HCRTR2: variants seen among roughly 807,000 people sequenced by gnomAD.
The protein encoded by HCRTR2 is hypocretin receptor 2.
In HCRTR2, 22 loss-of-function variants were observed where a neutral mutation model predicts 49.0. The observed-to-expected ratio is 0.45, with a 90% confidence interval of 0.32 to 0.64. HCRTR2 has a LOEUF of 0.64. Ranked by LOEUF, HCRTR2 falls within the 30% of genes least tolerant of loss-of-function variation. The probability of loss-of-function intolerance (pLI) is 0.04; values close to 1 mark genes in which losing one functional copy is unlikely to be tolerated. For synonymous variants in HCRTR2, 236 were observed against 205.3 expected (o/e 1.15, Z -1.28); for missense variants, 491 against 559.4 (o/e 0.88, Z 1.23).
intron 1 of HCRTR2, among the ~76,000 whole-genome samples, chr6:55,199,341 T>C (rs1765470403): frequency 6.6e-6 from 1 of 152,028 alleles, no homozygotes; most frequent in Non-Finnish European, 1.5e-5. Flanking sequence ...GGAGAGTACT[T>C]AAAAAGATTT....
Position 55,222,280 on chromosome 6 carries a change from A to G in HCRTR2, c.224-26359A>G, listed in dbSNP as rs1249372786. 2.7e-5 allele frequency among the ~76,000 whole-genome samples: 4 copies of G among 150,438 alleles called. No individual in the cohort carries two copies. The South Asian group carries it at 6.3e-4, about 24-fold the overall frequency. ...TCATCTTACACCTGGTAGGATGACC[A>G]TTATGAAACAAAAGAAAGAGAATTA... On this transcript the variant is annotated intron_variant, in intron 1 of 6. Coordinates refer to ENST00000370862, the MANE Select transcript of HCRTR2 (RefSeq NM_001384272.1).
intron 1 of HCRTR2, among the ~76,000 whole-genome samples, chr6:55,168,726 T>C (rs1764909744): frequency 6.8e-6 from 1 of 146,632 alleles, no homozygotes. Context: ...CCACCATGCC[T>C]GGGTAATTTT....
chr6:55,154,057 A>T (rs1764698448), intron 1 of HCRTR2, among the ~76,000 whole-genome samples: 1 of 151,802 alleles, frequency 6.6e-6, no homozygotes, highest in Non-Finnish European at 1.5e-5. Context: ...AGAAATACAC[A>T]GTCTATCAAA....
intron 1 of HCRTR2, among the ~76,000 whole-genome samples, chr6:55,112,951 A>C (rs1764069938): frequency 6.6e-6 from 1 of 152,082 alleles, no homozygotes; most frequent in Non-Finnish European, 1.5e-5. Flanking sequence ...AGGGAGCAGA[A>C]CAAATAACCC....
At chr6:55,256,840 TTAC>T (rs1766662599) in intron 3 of HCRTR2, among the ~76,000 whole-genome samples, 1 of 152,126 alleles carries the variant, frequency 6.6e-6, no homozygotes, top group Non-Finnish European at 1.5e-5. Context: ...CAGACTCTGC[TTAC>T]GGGAGCACAC....
At chr6:55,152,652 G>A (rs1232163418) in intron 1 of HCRTR2, among the ~76,000 whole-genome samples, 1 of 151,890 alleles carries the variant, frequency 6.6e-6, no homozygotes, top group Non-Finnish European at 1.5e-5. Flanking sequence ...CTTTTTTGGG[G>A]TGGTATCCTC....
At chr6:55,159,454 C>T (rs1406978097) in intron 1 of HCRTR2, among the ~76,000 whole-genome samples, 1 of 152,116 alleles carries the variant, frequency 6.6e-6, no homozygotes. Context: ...CACAATTCCT[C>T]ACCAGCAAGG....
upstream of HCRTR2, among the ~76,000 whole-genome samples, chr6:55,171,999 A>G (rs1207056434): frequency 6.6e-6 from 1 of 152,194 alleles, no homozygotes; most frequent in Non-Finnish European, 1.5e-5. Flanking sequence ...ATGGAAGAGT[A>G]AAATGCAGAT....
In HCRTR2 at chr6:55,130,164, G is replaced by C. The variant is rs151330074; in HGVS notation, c.-378+23619G>C. Among the ~76,000 whole-genome samples the C allele has an allele frequency of 1.2e-4, 18 of 151,940 alleles. No homozygotes were observed. The East Asian group carries it at 2.7e-3, about 23-fold the overall frequency. On this transcript the variant is annotated intron_variant, in intron 1 of 7. Transcript: ENST00000615358. The stretch of plus-strand genomic sequence containing the variant: ...TCTATACTCAGTGACTTAAACATTT[G>C]ATCACTAATCTAAGGCCTTTCTCTA...
chr6:55,129,841 A>C (rs892812443), intron 1 of HCRTR2, among the ~76,000 whole-genome samples: 1 of 152,000 alleles, frequency 6.6e-6, no homozygotes, highest in Non-Finnish European at 1.5e-5. Context: ...GCAAGATGAC[A>C]TTCAAATTTC....
At chr6:55,171,189 C>G (rs932520754), upstream of HCRTR2, among the ~76,000 whole-genome samples, 3 of 152,142 alleles carry the variant, frequency 2.0e-5, no homozygotes, top group South Asian at 2.1e-4. Context: ...CTAGTTTACA[C>G]TCCCACCAAC....
In HCRTR2 at chr6:55,212,195, C is replaced by T. The variant is rs148301823; in HGVS notation, c.224-36444C>T. Reference sequence around the variant, plus strand: ...ATCTTTAGAACCCAATTATGGCTGCCGTTGTTCCCTGAGTGTGAGGCTTGC... The same window carrying T: ...ATCTTTAGAACCCAATTATGGCTGCTGTTGTTCCCTGAGTGTGAGGCTTGC... On this transcript the variant is annotated intron_variant, in intron 1 of 6. Coordinates refer to ENST00000370862, the MANE Select transcript of HCRTR2 (RefSeq NM_001384272.1). Among the ~76,000 whole-genome samples, 790 of 152,168 alleles carry T rather than the reference C, an allele frequency of 5.2e-3. 8 individuals are homozygous for T. Among genetic ancestry groups the T allele is most frequent in the African/African-American group, 0.018 (751 of 41,526 alleles).
intron 1 of HCRTR2, among the ~76,000 whole-genome samples, chr6:55,219,660 A>G (rs1408780028): frequency 6.6e-6 from 1 of 152,070 alleles, no homozygotes; most frequent in Non-Finnish European, 1.5e-5. Context: ...GAAGAAGGAG[A>G]AAATACTAAG....
chr6:55,223,535 G>A (rs1765939160), intron 1 of HCRTR2, among the ~76,000 whole-genome samples: 1 of 152,064 alleles, frequency 6.6e-6, no homozygotes, highest in South Asian at 2.1e-4. Flanking sequence ...AATTATTTTC[G>A]ATTGGTAGAG....
intron 1 of HCRTR2, among the ~76,000 whole-genome samples, chr6:55,222,417 C>T (rs1765916890): frequency 6.6e-6 from 1 of 152,006 alleles, no homozygotes; most frequent in African/African-American, 2.4e-5. Context: ...CTATACGATC[C>T]AGTAATCCCA....
At chr6:55,144,910 A>G (rs1169785874) in intron 1 of HCRTR2, among the ~76,000 whole-genome samples, 1 of 152,206 alleles carries the variant, frequency 6.6e-6, no homozygotes, top group East Asian at 1.9e-4. Flanking sequence ...TTCTACAGGA[A>G]TAAAATGCCA....
chr6:55,238,122 A>G (rs776477616), intron 1 of HCRTR2, among the ~76,000 whole-genome samples: 2 of 152,174 alleles, frequency 1.3e-5, no homozygotes, highest in African/African-American at 2.4e-5. Flanking sequence ...AATTACATAT[A>G]CAAAGTTGAA....
chr6:55,201,611 C>T (rs1022127172), intron 1 of HCRTR2, among the ~76,000 whole-genome samples: 7 of 151,986 alleles, frequency 4.6e-5, no homozygotes, highest in Non-Finnish European at 8.8e-5. Context: ...CTTTTCCTTA[C>T]GTAGCTACAT....
At chr6:55,243,000 T>C (rs1293551907) in intron 1 of HCRTR2, among the ~76,000 whole-genome samples, 1 of 152,218 alleles carries the variant, frequency 6.6e-6, no homozygotes, top group Non-Finnish European at 1.5e-5. Flanking sequence ...GGATCATGGC[T>C]GCAGATGTTT....
Sources: allele counts gnomAD v4.1 joint callset (sites outside exome capture counted in the v4.1 genomes callset), GRCh38; gene constraint gnomAD v4.1.1; transcripts MANE v1.5; gene names NCBI Gene and HGNC (gene_info 2026-07-23, HGNC 2026-07-21).